KCNIP1: variants seen among roughly 807,000 people sequenced by gnomAD.
KCNIP1 encodes potassium voltage-gated channel interacting protein 1, also known as A-type potassium channel modulatory protein KCNIP1.
Under a neutral mutation model 33.0 loss-of-function variants are expected in KCNIP1, and 18 were observed. The ratio of observed to expected loss-of-function variants is 0.55; its 90% CI spans 0.38 to 0.81. KCNIP1 has a LOEUF of 0.81. Ranked by LOEUF, KCNIP1 falls within the 30% of genes least tolerant of loss-of-function variation. The pLI is 0.00. For missense variants in KCNIP1, 238 were observed against 271.6 expected (o/e 0.88, Z 0.87); for synonymous variants, 93 against 98.3 (o/e 0.95, Z 0.32).
At chr5:170,421,091 A>T (rs969678277) in intron 1 of KCNIP1, among the ~76,000 whole-genome samples, 3 of 152,146 alleles carry the variant, frequency 2.0e-5, no homozygotes, top group Admixed American at 6.5e-5. Flanking sequence ...GGGCCTCAGG[A>T]TCAGCTCCCC....
intron 1 of KCNIP1, among the ~76,000 whole-genome samples, chr5:170,420,943 G>A (rs527247868): frequency 1.3e-5 from 2 of 152,272 alleles, no homozygotes; most frequent in African/African-American, 2.4e-5. Context: ...TCTGCCAGCC[G>A]GACAGCGAGG....
chr5:170,512,312 G>A (rs17672873), intron 1 of KCNIP1, among the ~76,000 whole-genome samples: 16,408 of 152,182 alleles, frequency 0.11, 980 homozygotes, highest in East Asian at 0.24. Flanking sequence ...GAGATCAGTC[G>A]GTTTACAAGT....
Position 170,354,232 on chromosome 5 carries a change from A to C in KCNIP1, c.88+268A>C, listed in dbSNP as rs537271927. Among the ~76,000 whole-genome samples, 12 of 152,336 alleles carry C rather than the reference A, an allele frequency of 7.9e-5. No homozygotes were observed. The East Asian group carries it at 2.3e-3, about 29-fold the overall frequency. ...TGGCTGATACGTTATGGGCGGGCAG[A>C]GGGATAGAACCCTTTCCAGAGCATT... is the stretch of plus-strand genomic sequence containing the variant. On this transcript the variant is annotated intron_variant, in intron 1 of 7. Transcript: ENST00000377360.
At chr5:170,459,308 C>G (rs897258839) in intron 1 of KCNIP1, among the ~76,000 whole-genome samples, 1 of 152,066 alleles carries the variant, frequency 6.6e-6, no homozygotes, top group East Asian at 1.9e-4. Flanking sequence ...CAACAAAGAA[C>G]AATGGATTTA....
At chr5:170,492,213 A>T (rs552120917) in intron 1 of KCNIP1, among the ~76,000 whole-genome samples, 43 of 151,844 alleles carry the variant, frequency 2.8e-4, no homozygotes, top group Non-Finnish European at 5.6e-4. Context: ...GATTCCTAAG[A>T]CTCCTTCCTC....
intron 1 of KCNIP1, among the ~76,000 whole-genome samples, chr5:170,431,307 C>G (rs1437388631): frequency 2.0e-5 from 3 of 152,236 alleles, no homozygotes; most frequent in African/African-American, 7.2e-5. Flanking sequence ...ATCCTGCCCT[C>G]CATGGCTGAT....
At chr5:170,669,737 A>G (rs1291714543) in intron 1 of KCNIP1, 1 of 638,504 alleles carries the variant, frequency 1.6e-6, no homozygotes, top group African/African-American at 2.0e-5. Context: ...ATTAACACTA[A>G]TGAGATGAGT....
chr5:170,411,414 T>C (rs1003845450), intron 1 of KCNIP1, among the ~76,000 whole-genome samples: 2 of 152,164 alleles, frequency 1.3e-5, no homozygotes, highest in African/African-American at 4.8e-5. Flanking sequence ...CAGACAAATG[T>C]TCTGACAGAG....
intron 1 of KCNIP1, among the ~76,000 whole-genome samples, chr5:170,413,999 A>G (rs1175185931): frequency 6.6e-6 from 1 of 151,600 alleles, no homozygotes; most frequent in African/African-American, 2.4e-5. Flanking sequence ...ACAAAGAGTC[A>G]ATGTAGAAGG....
intron 1 of KCNIP1, among the ~76,000 whole-genome samples, chr5:170,638,853 G>A (rs1056605663): frequency 6.6e-6 from 1 of 152,200 alleles, no homozygotes; most frequent in African/African-American, 2.4e-5. Flanking sequence ...GCATCCCTGG[G>A]AGGCAATGTC....
intron 1 of KCNIP1, chr5:170,639,078 C>G (rs1430936865): frequency 6.6e-6 from 1 of 152,328 alleles, no homozygotes; most frequent in African/African-American, 2.4e-5. Context: ...CACAAGCTTC[C>G]CCATGACACT....
At chr5:170,681,074 G>A (rs1762326721) in intron 1 of KCNIP1, 3 of 399,638 alleles carry the variant, frequency 7.5e-6, no homozygotes, top group East Asian at 3.6e-5. Context: ...TGAGGATGTG[G>A]GCAGAGGGCG....
chr5:170,565,451 A>C (rs1157187161), intron 1 of KCNIP1, among the ~76,000 whole-genome samples: 1 of 152,228 alleles, frequency 6.6e-6, no homozygotes, highest in African/African-American at 2.4e-5. Flanking sequence ...AAAGGAACTT[A>C]CACTGAGTAG....
chr5:170,398,671 T>C (rs892812458), intron 1 of KCNIP1, among the ~76,000 whole-genome samples: 1 of 152,230 alleles, frequency 6.6e-6, no homozygotes, highest in Non-Finnish European at 1.5e-5. Context: ...CTGTCCTTTT[T>C]CTCTGGCAAG....
chr5:170,600,382 T>C (rs11739003), intron 1 of KCNIP1, among the ~76,000 whole-genome samples: 47,817 of 152,080 alleles, frequency 0.31, 8,607 homozygotes, highest in Non-Finnish European at 0.41. Context: ...CCTGGAATTC[T>C]CTTCCTTTTT....
At chr5:170,466,551 T>C (rs1756611687) in intron 1 of KCNIP1, among the ~76,000 whole-genome samples, 1 of 152,170 alleles carries the variant, frequency 6.6e-6, no homozygotes, top group Non-Finnish European at 1.5e-5. Context: ...AAAGGTGTCT[T>C]AGTGCATTCA....
At chr5:170,613,843 G>T (rs1203411650) in intron 1 of KCNIP1, among the ~76,000 whole-genome samples, 2 of 152,208 alleles carry the variant, frequency 1.3e-5, no homozygotes, top group African/African-American at 2.4e-5. Context: ...GGGTATTGTT[G>T]TGTCATGTGA....
At chr5:170,689,907 C>A (rs1235148665) in intron 1 of KCNIP1, among the ~76,000 whole-genome samples, 1 of 152,214 alleles carries the variant, frequency 6.6e-6, no homozygotes, top group Non-Finnish European at 1.5e-5. Context: ...TTCATCAAAT[C>A]AGGCCCCCCT....
chr5:170,476,065 G>A (rs1220332389), intron 1 of KCNIP1, among the ~76,000 whole-genome samples: 1 of 151,898 alleles, frequency 6.6e-6, no homozygotes, highest in Non-Finnish European at 1.5e-5. Flanking sequence ...AACCTCTGCA[G>A]CCTCAAGTGA....
Sources: allele counts gnomAD v4.1 joint callset (sites outside exome capture counted in the v4.1 genomes callset), GRCh38; gene constraint gnomAD v4.1.1; transcripts MANE v1.5; gene names NCBI Gene and HGNC (gene_info 2026-07-23, HGNC 2026-07-21).